ANKS1B: variants seen among roughly 807,000 people sequenced by gnomAD.
The protein encoded by ANKS1B is ankyrin repeat and sterile alpha motif domain-containing protein 1B.
ANKS1B carries 36 observed loss-of-function variants against 148.3 expected under a neutral mutation model. The observed-to-expected ratio is 0.24, with a 90% CI of 0.19 to 0.32. The LOEUF is 0.32. Ranked by LOEUF, ANKS1B falls within the 10% of genes least tolerant of loss-of-function variation. The probability of loss-of-function intolerance (pLI) is 1.00; values close to 1 mark genes in which losing one functional copy is unlikely to be tolerated. For missense variants in ANKS1B, 1,157 were observed against 1,542.6 expected, an observed-to-expected ratio of 0.75 and a Z score of 4.19; for synonymous variants, 542 against 560.8, an observed-to-expected ratio of 0.97 and a Z score of 0.47.
intron 14 of ANKS1B, among the ~76,000 whole-genome samples, chr12:99,210,838 G>A (rs921585665): frequency 5.3e-5 from 8 of 152,152 alleles, no homozygotes; most frequent in Non-Finnish European, 1.0e-4. Context: ...TGGCATTATC[G>A]CCAAAATTCA....
At chr12:99,401,797 G>T (rs2094411728) in intron 11 of ANKS1B, among the ~76,000 whole-genome samples, 1 of 146,576 alleles carries the variant, frequency 6.8e-6, no homozygotes, top group Admixed American at 6.8e-5. Context: ...AGCAGTAAGG[G>T]TGATGAAAAA....
At chr12:99,436,409 A>G (rs1333239656) in intron 11 of ANKS1B, among the ~76,000 whole-genome samples, 1 of 152,064 alleles carries the variant, frequency 6.6e-6, no homozygotes, top group African/African-American at 2.4e-5. Context: ...AAAATACTCA[A>G]TACTCAATAA....
At chr12:98,828,968 A>G (rs955800417) in intron 19 of ANKS1B, among the ~76,000 whole-genome samples, 1 of 152,220 alleles carries the variant, frequency 6.6e-6, no homozygotes, top group African/African-American at 2.4e-5. Context: ...GCAGGAATGC[A>G]TAACAAGGAC....
chr12:99,360,950 G>T (rs2092413106), intron 12 of ANKS1B, among the ~76,000 whole-genome samples: 1 of 152,066 alleles, frequency 6.6e-6, no homozygotes, highest in Admixed American at 6.6e-5. Flanking sequence ...ATGGTTACCA[G>T]AGGCTGGGAA....
At chr12:99,449,488 T>C (rs753756877) in intron 10 of ANKS1B, among the ~76,000 whole-genome samples, 3 of 152,192 alleles carry the variant, frequency 2.0e-5, no homozygotes, top group Non-Finnish European at 2.9e-5. Context: ...TATTTAATCT[T>C]TCTGGATTTC....
intron 1 of ANKS1B, among the ~76,000 whole-genome samples, chr12:99,849,806 C>A (rs1454151296): frequency 1.3e-5 from 2 of 152,060 alleles, no homozygotes; most frequent in Non-Finnish European, 2.9e-5. Context: ...AGTAATTACC[C>A]TTCTGGGGGA....
chr12:98,862,939 T>C lies in ANKS1B; in HGVS notation c.2779-30803A>G, dbSNP rs141409419. On this transcript the variant is annotated intron_variant, in intron 17 of 26. Coordinates refer to ENST00000683438, the MANE Select transcript of ANKS1B (RefSeq NM_001352186.2). Reference sequence around the variant, plus strand: ...AATGAAAAATCTCTACCACAGACAGTTGCATTTCATGGTCCAATATAGTCT... The same window carrying C: ...AATGAAAAATCTCTACCACAGACAGCTGCATTTCATGGTCCAATATAGTCT... Among the ~76,000 whole-genome samples, 14 of 152,312 alleles carry C rather than the reference T, an allele frequency of 9.2e-5. No individual in the cohort carries two copies. The East Asian group carries it at 2.5e-3, about 27-fold the overall frequency.
chr12:99,083,113 G>C (rs1311851211), intron 16 of ANKS1B, among the ~76,000 whole-genome samples: 1 of 152,204 alleles, frequency 6.6e-6, no homozygotes, highest in Non-Finnish European at 1.5e-5. Context: ...ATTTGGCTCA[G>C]TGAATTTGCA....
intron 9 of ANKS1B, among the ~76,000 whole-genome samples, chr12:99,581,832 A>G (rs2097572748): frequency 6.7e-6 from 1 of 149,700 alleles, no homozygotes; most frequent in Non-Finnish European, 1.5e-5. Flanking sequence ...CGGAGCTTGC[A>G]GTGAGCCGAG....
chr12:99,935,911 G>T (rs2094755810), intron 1 of ANKS1B, among the ~76,000 whole-genome samples: 1 of 144,152 alleles, frequency 6.9e-6, no homozygotes, highest in Non-Finnish European at 1.5e-5. Context: ...ATAAAGAAAA[G>T]AAGTTTAATT....
intron 14 of ANKS1B, among the ~76,000 whole-genome samples, chr12:99,223,893 T>C (rs1052256135): frequency 3.3e-5 from 5 of 152,228 alleles, no homozygotes; most frequent in Admixed American, 6.5e-5. Context: ...CCAAGTGTGC[T>C]GTATTTCTGC....
intron 25 of ANKS1B, among the ~76,000 whole-genome samples, chr12:98,757,937 C>T (rs1028443185): frequency 7.1e-5 from 8 of 113,200 alleles, no homozygotes; most frequent in East Asian, 2.7e-4. Flanking sequence ...CATGTGTGCA[C>T]GTGTGTGTGT....
At chr12:99,073,159 A>G (rs2046793259) in intron 16 of ANKS1B, among the ~76,000 whole-genome samples, 2 of 152,226 alleles carry the variant, frequency 1.3e-5, no homozygotes, top group African/African-American at 4.8e-5. Context: ...TTAATTCTAC[A>G]GAGAAGGTGA....
At chr12:99,370,330 T>C (rs2093059240) in intron 12 of ANKS1B, among the ~76,000 whole-genome samples, 1 of 152,144 alleles carries the variant, frequency 6.6e-6, no homozygotes, top group South Asian at 2.1e-4. Flanking sequence ...ATAGCCTGCC[T>C]CAGCTATTAT....
At chr12:99,310,908 A>G (rs2083053676) in intron 12 of ANKS1B, among the ~76,000 whole-genome samples, 1 of 152,180 alleles carries the variant, frequency 6.6e-6, no homozygotes, top group Non-Finnish European at 1.5e-5. Context: ...TGTGACTCTC[A>G]GCAAGTTATT....
At chr12:99,849,588 T>C (rs919030979) in intron 1 of ANKS1B, among the ~76,000 whole-genome samples, 1 of 152,138 alleles carries the variant, frequency 6.6e-6, no homozygotes, top group Non-Finnish European at 1.5e-5. Flanking sequence ...CTGTTCATAA[T>C]AGTGCAAAAC....
intron 15 of ANKS1B, among the ~76,000 whole-genome samples, chr12:99,133,255 G>T (rs1279074053): frequency 6.6e-6 from 1 of 151,856 alleles, no homozygotes; most frequent in African/African-American, 2.4e-5. Flanking sequence ...GTTTCACCAT[G>T]TTGGTCAGGC....
At chr12:99,409,783 C>T (rs2094630731) in intron 11 of ANKS1B, among the ~76,000 whole-genome samples, 1 of 139,470 alleles carries the variant, frequency 7.2e-6, no homozygotes, top group Non-Finnish European at 1.6e-5. Context: ...TTCATTTAAA[C>T]ATGTTTGATT....
rs751468199 is a variant in ANKS1B at position 99,907,812 on chromosome 12, T to TAAAAAAAAAA, written c.134+76282_134+76291dup. Among the ~76,000 whole-genome samples the TAAAAAAAAAA allele has an allele frequency of 5.0e-5, 5 of 100,158 alleles. 1 individual carries two copies. The highest frequency in any genetic ancestry group is 9.6e-5 in the Non-Finnish European group (5 of 51,832). The allele number at this position is 100,158 out of a possible 152,430, so 65.7% of individuals were successfully genotyped here. A position where few individuals can be genotyped will look rare whatever the true frequency, so the allele number is the denominator to read the frequency against. On this transcript the variant is annotated intron_variant, in intron 1 of 26. Transcript: ENST00000683438. The stretch of plus-strand genomic sequence containing the variant: ...GTTTTCTCCTCTCCAGAGAAATTCT[T>TAAAAAAAAAA]AAAAAAAAAAAAAAAAAAAAAAAAA...
Sources: allele counts gnomAD v4.1 joint callset (sites outside exome capture counted in the v4.1 genomes callset), GRCh38; gene constraint gnomAD v4.1.1; transcripts MANE v1.5; gene names NCBI Gene and HGNC (gene_info 2026-07-23, HGNC 2026-07-21).